KCNIP4: variants seen among roughly 807,000 people sequenced by gnomAD.
The protein encoded by KCNIP4 is Kv channel-interacting protein 4.
Under a neutral mutation model 34.0 loss-of-function variants are expected in KCNIP4, and 12 were observed. The ratio of observed to expected loss-of-function variants is 0.35; its 90% CI spans 0.23 to 0.57. The LOEUF (loss-of-function observed/expected upper bound fraction) is 0.57, where lower values mean the gene tolerates loss of function less well. KCNIP4 is among the 20% of genes least tolerant of loss of function. KCNIP4 has a pLI of 0.83. For synonymous variants in KCNIP4, 124 were observed against 102.2 expected, an observed-to-expected ratio of 1.21 and a Z score of -1.29; for missense variants, 238 against 311.7, an observed-to-expected ratio of 0.76 and a Z score of 1.78.
chr4:21,677,671 A>G (rs1218677590), intron 1 of KCNIP4, among the ~76,000 whole-genome samples: 2 of 152,286 alleles, frequency 1.3e-5, no homozygotes, highest in Middle Eastern at 3.4e-3. Context: ...TCACTCTGCC[A>G]TATCAGCAAT....
chr4:21,773,195 G>A (rs1367450356), intron 1 of KCNIP4, among the ~76,000 whole-genome samples: 1 of 152,148 alleles, frequency 6.6e-6, no homozygotes, highest in Non-Finnish European at 1.5e-5. Flanking sequence ...TTCAAGAGCA[G>A]GCTGTCCAAT....
chr4:21,453,254 AAAT>A (rs1480478507), intron 1 of KCNIP4, among the ~76,000 whole-genome samples: 1 of 152,080 alleles, frequency 6.6e-6, no homozygotes, highest in African/African-American at 2.4e-5. Flanking sequence ...TAATGACTTA[AAAT>A]TCCAGAAAAG....
At chr4:20,999,725 A>G (rs1277756305) in intron 1 of KCNIP4, among the ~76,000 whole-genome samples, 1 of 151,906 alleles carries the variant, frequency 6.6e-6, no homozygotes, top group Non-Finnish European at 1.5e-5. Flanking sequence ...GATATTGAAA[A>G]CCAATGAACC....
At chr4:21,918,869 C>T (rs922269708) in intron 1 of KCNIP4, among the ~76,000 whole-genome samples, 6 of 152,142 alleles carry the variant, frequency 3.9e-5, no homozygotes, top group Non-Finnish European at 5.9e-5. Flanking sequence ...AATCTAGCCA[C>T]GCTTCCTTAA....
Position 20,991,517 on chromosome 4 carries a change from G to T in KCNIP4, c.62-108808C>A, listed in dbSNP as rs146121520. 4.4e-3 allele frequency among the ~76,000 whole-genome samples: 665 copies of T among 152,270 alleles called. 9 individuals are homozygous for T. Among genetic ancestry groups the T allele is most frequent in the African/African-American group, 0.015 (640 of 41,550 alleles). On this transcript the variant is annotated intron_variant, in intron 1 of 8. Transcript: ENST00000382152. ...CTGAGAAATCTGAGGATACATAGATGAATGGGGCCTGTGTTCTGTTTGTGA... is the reference window on the plus strand; with the variant it reads ...CTGAGAAATCTGAGGATACATAGATTAATGGGGCCTGTGTTCTGTTTGTGA...
intron 5 of KCNIP4, among the ~76,000 whole-genome samples, chr4:20,736,264 C>G (rs1749605013): frequency 6.6e-6 from 1 of 152,120 alleles, no homozygotes; most frequent in Admixed American, 6.5e-5. Context: ...AAGCATAAAT[C>G]AGGGAAACAA....
chr4:21,799,230 A>C (rs1720841479), intron 1 of KCNIP4, among the ~76,000 whole-genome samples: 2 of 152,148 alleles, frequency 1.3e-5, no homozygotes, highest in Admixed American at 6.5e-5. Context: ...TGAAGGAGAC[A>C]CCATTATTTT....
chr4:21,863,622 G>A (rs1578085060), intron 1 of KCNIP4, among the ~76,000 whole-genome samples: 1 of 152,108 alleles, frequency 6.6e-6, no homozygotes, highest in East Asian at 1.9e-4. Context: ...AAGAGAATGA[G>A]GCCAGACCCA....
At chr4:20,739,882 C>T (rs988820377) in intron 5 of KCNIP4, among the ~76,000 whole-genome samples, 1 of 152,122 alleles carries the variant, frequency 6.6e-6, no homozygotes, top group African/African-American at 2.4e-5. Flanking sequence ...GAATAAACAG[C>T]GTAGAGAAGA....
intron 1 of KCNIP4, among the ~76,000 whole-genome samples, chr4:21,134,726 A>C (rs1048349095): frequency 6.6e-6 from 1 of 152,150 alleles, no homozygotes; most frequent in African/African-American, 2.4e-5. Flanking sequence ...GAAAATATAC[A>C]TCCCCCAAGC....
intron 1 of KCNIP4, among the ~76,000 whole-genome samples, chr4:21,578,986 T>A (rs1740976870): frequency 6.6e-6 from 1 of 152,212 alleles, no homozygotes; most frequent in Non-Finnish European, 1.5e-5. Context: ...TACTCAACAT[T>A]TGTTTCTGCT....
chr4:21,040,585 C>T (rs894940190), intron 1 of KCNIP4, among the ~76,000 whole-genome samples: 1 of 152,090 alleles, frequency 6.6e-6, no homozygotes, highest in African/African-American at 2.4e-5. Flanking sequence ...TTGTCTCAAA[C>T]CTAAAATTGA....
intron 1 of KCNIP4, among the ~76,000 whole-genome samples, chr4:21,775,132 G>A (rs950073101): frequency 9.2e-5 from 14 of 152,094 alleles, no homozygotes; most frequent in South Asian, 4.1e-4. Flanking sequence ...CAGGGTTTTC[G>A]TGGAGGCCTT....
Position 21,327,516 on chromosome 4 carries a change from T to TAATTCTTTC in KCNIP4, c.62-444808_62-444807insGAAAGAATT, listed in dbSNP as rs1715204745. Among the ~76,000 whole-genome samples, 3 of 152,212 alleles carry TAATTCTTTC rather than the reference T, an allele frequency of 2.0e-5. No individual in the cohort carries two copies. The South Asian group carries it at 6.2e-4, about 32-fold the overall frequency. ...TTTGGGAGTTTGATTATTAAATGTT[T>TAATTCTTTC]TGAAGTAGTGTTATTTGAGGTAATT... On this transcript the variant is annotated intron_variant, in intron 1 of 8. Coordinates refer to ENST00000382152, the MANE Select transcript of KCNIP4 (RefSeq NM_025221.6).
intron 1 of KCNIP4, among the ~76,000 whole-genome samples, chr4:20,977,937 G>T (rs1250890315): frequency 6.6e-6 from 1 of 152,116 alleles, no homozygotes; most frequent in Non-Finnish European, 1.5e-5. Context: ...TTCATGAGCT[G>T]TCTGGCCTCT....
At chr4:21,840,036 T>C (rs933987626) in intron 1 of KCNIP4, among the ~76,000 whole-genome samples, 1 of 152,060 alleles carries the variant, frequency 6.6e-6, no homozygotes, top group Non-Finnish European at 1.5e-5. Flanking sequence ...CCATGGCTTT[T>C]GTAGAAGCTT....
intron 1 of KCNIP4, among the ~76,000 whole-genome samples, chr4:21,531,589 C>G (rs1327701709): frequency 6.6e-6 from 1 of 151,962 alleles, no homozygotes; most frequent in Non-Finnish European, 1.5e-5. Flanking sequence ...GTTGGCCAGG[C>G]TGGTCTGGAA....
chr4:20,935,074 A>T (rs73242575), intron 1 of KCNIP4, among the ~76,000 whole-genome samples: 6,968 of 152,232 alleles, frequency 0.046, 188 homozygotes, highest in Middle Eastern at 0.1. Flanking sequence ...ATGTCCCTTG[A>T]GGACACAGTC....
At chr4:21,191,170 A>G (rs1423602355) in intron 1 of KCNIP4, among the ~76,000 whole-genome samples, 3 of 152,224 alleles carry the variant, frequency 2.0e-5, no homozygotes, top group Non-Finnish European at 4.4e-5. Flanking sequence ...CAAAGGTAGA[A>G]TTTGATAGCA....
Sources: gnomAD v4.1 joint callset for allele counts (sites outside exome capture counted in the v4.1 genomes callset) on GRCh38, gnomAD v4.1.1 for gene constraint, MANE v1.5 for transcripts, NCBI Gene and HGNC (gene_info 2026-07-23, HGNC 2026-07-21) for gene names.